Variants in PRMT3 observed in about 807,000 individuals in gnomAD.
PRMT3 encodes the protein protein arginine N-methyltransferase 3.
A neutral mutation model predicts 71.9 loss-of-function variants in PRMT3; 62 were observed. The ratio of observed to expected loss-of-function variants is 0.86; its 90% CI spans 0.70 to 1.07. The LOEUF is 1.07. Among genes scored for constraint, PRMT3 ranks in the 50% least tolerant of loss-of-function variants. The pLI, the probability that PRMT3 is intolerant of heterozygous loss-of-function variation, is 0.00. For synonymous variants in PRMT3, 213 were observed against 220.4 expected, an observed-to-expected ratio of 0.97 and a Z score of 0.30; for missense variants, 663 against 643.0, an observed-to-expected ratio of 1.03 and a Z score of -0.34.
chr11:20,426,895 CT>C (rs1196687327), intron 10 of PRMT3, 30 bp downstream of exon 10: 1 of 1,500,138 alleles, frequency 6.7e-7, no homozygotes, highest in Non-Finnish European at 8.8e-7. Flanking sequence ...ACTACTTTCA[CT>C]GGTAAAATGA....
At chr11:20,441,212 T>C (rs1849887617) in intron 10 of PRMT3, among the ~76,000 whole-genome samples, 1 of 151,692 alleles carries the variant, frequency 6.6e-6, no homozygotes, top group African/African-American at 2.4e-5. Flanking sequence ...CATTGGAAAA[T>C]GATATGTAGA....
intron 9 of PRMT3, among the ~76,000 whole-genome samples, chr11:20,410,464 TA>T (rs1328903884): frequency 6.9e-6 from 1 of 143,974 alleles, no homozygotes; most frequent in Non-Finnish European, 1.5e-5. Flanking sequence ...AAACAATTTC[TA>T]AAAAAAATTA....
chr11:20,476,648 T>G (rs1850793689), intron 13 of PRMT3, among the ~76,000 whole-genome samples: 2 of 152,220 alleles, frequency 1.3e-5, no homozygotes, highest in East Asian at 1.9e-4. Flanking sequence ...ACCTACTTTT[T>G]AATTCATTAT....
intron 15 of PRMT3, among the ~76,000 whole-genome samples, chr11:20,499,402 G>A (rs1266762570): frequency 6.6e-6 from 1 of 152,122 alleles, no homozygotes; most frequent in Non-Finnish European, 1.5e-5. Context: ...CAGCAGGATC[G>A]CTGAGGCCAA....
Position 20,464,538 on chromosome 11 carries a change from A to G in PRMT3, c.1339A>G (p.Met447Val), listed in dbSNP as rs763476235. 6.2e-7 allele frequency: 1 copy of G among 1,611,664 alleles called. No homozygotes were observed. The highest frequency in any genetic ancestry group is 8.5e-7 in the Non-Finnish European group (1 of 1,179,096). Residue 447 changes from methionine to valine, a missense_variant, in exon 13 of 16, where the codon ATG becomes GTG. Met to Val is a conservative substitution (Grantham distance 21, BLOSUM62 1). Coordinates refer to ENST00000331079, the MANE Select transcript of PRMT3 (RefSeq NM_005788.4). ...TACCCTGAAAATCACAAGGACATCC[A>G]TGTGCACGGTAAGCTATTTCATTCT... ...DFTLKITRTS[M>V]CTAIAGYFDI...
chr11:20,392,212 A>G lies in PRMT3; in HGVS notation c.249A>G (p.Gly83=), dbSNP rs1318884132. 3 of 1,572,976 alleles carry G rather than the reference A, an allele frequency of 1.9e-6. No homozygotes were observed. Among genetic ancestry groups the G allele is most frequent in the African/African-American group, 1.4e-5 (1 of 73,892 alleles). ...TGAATTATCTTTTTCCCCCTTTAGG[A>G]CTTGAATTTTATGGATACATTAAGC... is the stretch of plus-strand genomic sequence containing the variant. ...FNIDSMVHKH[G]LEFYGYIKLI... The change falls in exon 4 of 16, where the codon GGA becomes GGG. Residue 83 remains glycine, a splice_region_variant and synonymous_variant. Coordinates refer to ENST00000331079, the MANE Select transcript of PRMT3 (RefSeq NM_005788.4).
chr11:20,399,260 G>C (rs1241186454), intron 7 of PRMT3, among the ~76,000 whole-genome samples: 6 of 152,132 alleles, frequency 3.9e-5, no homozygotes, highest in Non-Finnish European at 2.9e-5. Context: ...AGGGATATTT[G>C]ATAACATGTA....
At chr11:20,464,394 ATTTT>A in intron 12 of PRMT3, 62 bp from the exon 13 acceptor site, 8 of 1,492,872 alleles carry the variant, frequency 5.4e-6, no homozygotes, top group Non-Finnish European at 5.3e-6. Flanking sequence ...TTTTTGTTTT[ATTTT>A]TTGTTTTTTT....
At chr11:20,473,917 T>G (rs558868712) in intron 13 of PRMT3, among the ~76,000 whole-genome samples, 1 of 152,052 alleles carries the variant, frequency 6.6e-6, no homozygotes, top group South Asian at 2.1e-4. Flanking sequence ...TGTGTCAGGT[T>G]TTTCATTGAT....
intron 15 of PRMT3, among the ~76,000 whole-genome samples, chr11:20,504,464 A>G (rs1340861783): frequency 1.3e-5 from 2 of 152,204 alleles, no homozygotes; most frequent in Non-Finnish European, 2.9e-5. Flanking sequence ...ATATTGCCAT[A>G]TAAATTTTAA....
rs541951344 is a variant in PRMT3 at position 20,477,498 on chromosome 11, A to G, written c.1347+12952A>G. Among the ~76,000 whole-genome samples, 3 of 151,978 alleles carry G rather than the reference A, an allele frequency of 2.0e-5. No homozygotes were observed. The South Asian group carries it at 6.3e-4, about 32-fold the overall frequency. On this transcript the variant is annotated intron_variant, in intron 13 of 15. Transcript: ENST00000331079. ...CTTGAACCTGGAGGTGAAGGTTCCA[A>G]TGAGCCGACATAGCACCACTGCACT...
In PRMT3 at chr11:20,434,974, G is replaced by C. The variant is rs573823695; in HGVS notation, c.993+8109G>C. 2.0e-5 allele frequency among the ~76,000 whole-genome samples: 3 copies of C among 152,306 alleles called. No homozygotes were observed. In the East Asian group the frequency reaches 5.8e-4, roughly 29 times the overall value. On this transcript the variant is annotated intron_variant, in intron 10 of 15. Transcript: ENST00000331079. ...TTGAATCTATACATTGCTTTGGGCA[G>C]TGTGACCATTTCAATGATATTGATC...
intron 10 of PRMT3, among the ~76,000 whole-genome samples, chr11:20,435,073 T>A (rs1849732793): frequency 6.6e-6 from 1 of 152,212 alleles, no homozygotes; most frequent in Non-Finnish European, 1.5e-5. Context: ...CTGTTTTTGC[T>A]TTTGTTGTTT....
Position 20,387,814 on chromosome 11 carries a change from C to G in PRMT3, c.28+40C>G, listed in dbSNP as rs1182567515. On this transcript the variant is annotated intron_variant, in intron 1 of 15. Coordinates refer to ENST00000331079, the MANE Select transcript of PRMT3 (RefSeq NM_005788.4). This position sits in a 1 kb window ranked among gnomAD's most constrained non-coding sequence, Gnocchi z 4.3. ...CCCTCAGCACCCGGCTCGTCCAGCC[C>G]CAGGCCGCGCCGCTGTGGGGCCGGT... The G allele has an allele frequency of 6.5e-7, 1 of 1,540,284 alleles. No homozygotes were observed. Among genetic ancestry groups the G allele is most frequent in the Non-Finnish European group, 8.7e-7 (1 of 1,145,836 alleles).
Position 20,395,684 on chromosome 11 carries a change from C to G in PRMT3, c.401-119C>G. The G allele has an allele frequency of 7.3e-6, 7 of 957,584 alleles. No homozygotes were observed. The East Asian group carries it at 1.6e-4, about 21-fold the overall frequency. The allele number at this position is 957,584 out of a possible 1,614,324, so 59.3% of individuals were successfully genotyped here. On this transcript the variant is annotated intron_variant, in intron 5 of 15. Coordinates refer to ENST00000331079, the MANE Select transcript of PRMT3 (RefSeq NM_005788.4). ...ATTAATATTCAATTAAAAGTACTTT[C>G]ACTAATCTTTCTCAATTGGCCACAT...
chr11:20,455,127 A>G (rs974704096), intron 11 of PRMT3, among the ~76,000 whole-genome samples: 1 of 152,128 alleles, frequency 6.6e-6, no homozygotes, highest in Non-Finnish European at 1.5e-5. Context: ...GAAAAATAGG[A>G]AAATATTGGT....
chr11:20,397,512 C>G, intron 6 of PRMT3, 65 bp from the exon 7 acceptor site: 1 of 1,544,258 alleles, frequency 6.5e-7, no homozygotes, highest in Non-Finnish European at 8.9e-7. Context: ...TCCTCAACCT[C>G]TAGCCTTTCC....
At chr11:20,396,785 C>G (rs1848836374) in intron 6 of PRMT3, among the ~76,000 whole-genome samples, 1 of 152,166 alleles carries the variant, frequency 6.6e-6, no homozygotes, top group African/African-American at 2.4e-5. Flanking sequence ...TAGGAATCAA[C>G]TGGGATCGTG....
intron 10 of PRMT3, among the ~76,000 whole-genome samples, chr11:20,442,093 A>G (rs1849921218): frequency 6.6e-6 from 1 of 152,236 alleles, no homozygotes; most frequent in African/African-American, 2.4e-5. Context: ...GTGCCCGGCT[A>G]GTTTCAGAAC....
Sources: gnomAD v4.1 joint callset for allele counts (sites outside exome capture counted in the v4.1 genomes callset) on GRCh38, gnomAD v4.1.1 for gene constraint, Gnocchi (gnomAD v3.1) non-coding constraint, MANE v1.5 for transcripts, NCBI Gene and HGNC (gene_info 2026-07-23, HGNC 2026-07-21) for gene names.